Variants in NCALD observed in about 807,000 individuals in gnomAD.
NCALD encodes neurocalcin-delta.
In NCALD, 10 loss-of-function variants were observed where a neutral mutation model predicts 18.6. The observed-to-expected ratio is 0.54, with a 90% CI of 0.33 to 0.91. The LOEUF is 0.91. NCALD is among the 40% of genes least tolerant of loss of function. The pLI, the probability that NCALD is intolerant of heterozygous loss-of-function variation, is 0.03. For synonymous variants in NCALD, 88 were observed against 87.4 expected, an observed-to-expected ratio of 1.01 and a Z score of -0.04; for missense variants, 184 against 247.6, an observed-to-expected ratio of 0.74 and a Z score of 1.72.
intron 2 of NCALD, among the ~76,000 whole-genome samples, chr8:101,933,231 G>A (rs1235960960): frequency 2.0e-5 from 3 of 152,214 alleles, no homozygotes; most frequent in African/African-American, 7.2e-5. Flanking sequence ...CATTGCAGAT[G>A]TGATTAAGTT....
intron 2 of NCALD, among the ~76,000 whole-genome samples, chr8:102,005,474 C>A (rs1586910769): frequency 6.6e-6 from 1 of 152,242 alleles, no homozygotes; most frequent in African/African-American, 2.4e-5. Context: ...TGTGGTGATT[C>A]CTCAGGGATC....
intron 1 of NCALD, among the ~76,000 whole-genome samples, chr8:101,754,012 C>A (rs1376785561): frequency 6.6e-6 from 1 of 152,154 alleles, no homozygotes; most frequent in Non-Finnish European, 1.5e-5. Context: ...CTGGTAAGAA[C>A]CGTGAGGTCT....
chr8:101,919,302 G>A (rs1046138066), intron 2 of NCALD, among the ~76,000 whole-genome samples: 1 of 152,138 alleles, frequency 6.6e-6, no homozygotes, highest in African/African-American at 2.4e-5. Flanking sequence ...TTCAAAAAAT[G>A]GTGCTCAGAT....
At chr8:101,996,951 G>C (rs746309416) in intron 2 of NCALD, among the ~76,000 whole-genome samples, 2 of 152,202 alleles carry the variant, frequency 1.3e-5, no homozygotes, top group Non-Finnish European at 2.9e-5. Flanking sequence ...ACTACTACCT[G>C]CCTGCTCGAA....
In NCALD at chr8:101,939,315, T is replaced by C. The variant is rs183161141; in HGVS notation, c.-156-23457A>G. On this transcript the variant is annotated intron_variant, in intron 2 of 6. Transcript: ENST00000311028. Reference sequence around the variant, plus strand: ...AGAGAAATTCACAGATTCAGATTCATTGAATGAAAAGCATATCTTAATTGA... The same window carrying C: ...AGAGAAATTCACAGATTCAGATTCACTGAATGAAAAGCATATCTTAATTGA... Among the ~76,000 whole-genome samples, 16 of 152,336 alleles carry C rather than the reference T, an allele frequency of 1.1e-4. No individual in the cohort carries two copies. The East Asian group carries it at 2.5e-3, about 24-fold the overall frequency.
chr8:102,035,548 C>A (rs1389533742), intron 1 of NCALD, among the ~76,000 whole-genome samples: 1 of 152,060 alleles, frequency 6.6e-6, no homozygotes. Context: ...CAGAGAAAGG[C>A]AGTAGAATCC....
intron 3 of NCALD, among the ~76,000 whole-genome samples, chr8:101,892,017 C>A (rs530957445): frequency 6.6e-6 from 1 of 152,262 alleles, no homozygotes; most frequent in East Asian, 1.9e-4. Context: ...CACCACAGCT[C>A]AAGGAGGCCT....
At chr8:101,880,017 G>A (rs903297865) in intron 4 of NCALD, among the ~76,000 whole-genome samples, 15 of 151,302 alleles carry the variant, frequency 9.9e-5, no homozygotes, top group African/African-American at 3.2e-4. Context: ...GGGACTGGGC[G>A]CCGTGGAGCA....
At chr8:101,748,098 C>T (rs1247073227) in intron 1 of NCALD, among the ~76,000 whole-genome samples, 1 of 152,162 alleles carries the variant, frequency 6.6e-6, no homozygotes, top group Non-Finnish European at 1.5e-5. Context: ...CTCAGACCTT[C>T]CTCCTCTAAT....
At chr8:102,102,463 A>G (rs1825315440) in intron 1 of NCALD, among the ~76,000 whole-genome samples, 1 of 152,222 alleles carries the variant, frequency 6.6e-6, no homozygotes, top group South Asian at 2.1e-4. Flanking sequence ...CAGAGCTGGC[A>G]GGGACACCAG....
chr8:102,040,828 T>C (rs900089249), intron 1 of NCALD, among the ~76,000 whole-genome samples: 2 of 152,182 alleles, frequency 1.3e-5, no homozygotes, highest in African/African-American at 4.8e-5. Context: ...GCCAGACTCA[T>C]AAAATGACAC....
At chr8:101,855,747 C>T (rs1815291965) in intron 4 of NCALD, among the ~76,000 whole-genome samples, 1 of 152,040 alleles carries the variant, frequency 6.6e-6, no homozygotes, top group Non-Finnish European at 1.5e-5. Context: ...AAACATAAGA[C>T]ATAAATCAGA....
intron 2 of NCALD, among the ~76,000 whole-genome samples, chr8:102,017,353 T>TAA (rs546400258): frequency 0.019 from 2,834 of 147,496 alleles, 38 homozygotes; most frequent in South Asian, 0.043. Flanking sequence ...TTAAAATTTC[T>TAA]AAAAAAAAAA....
intron 1 of NCALD, among the ~76,000 whole-genome samples, chr8:102,098,001 C>T (rs777543523): frequency 6.6e-6 from 1 of 152,240 alleles, no homozygotes; most frequent in Non-Finnish European, 1.5e-5. Flanking sequence ...ACTTCCTGCA[C>T]AGCCATCTCT....
intron 1 of NCALD, among the ~76,000 whole-genome samples, chr8:102,079,855 A>G (rs1563599199): frequency 6.6e-6 from 1 of 152,238 alleles, no homozygotes; most frequent in Non-Finnish European, 1.5e-5. Flanking sequence ...ATCATGCTAC[A>G]AAGCGTAAAG....
At chr8:101,804,048 G>A (rs1024322389) in intron 4 of NCALD, among the ~76,000 whole-genome samples, 5 of 151,970 alleles carry the variant, frequency 3.3e-5, no homozygotes, top group Non-Finnish European at 7.4e-5. Context: ...AGCCTGATCA[G>A]TCAGCAGCCA....
chr8:101,820,950 G>A (rs1358336635), intron 4 of NCALD, among the ~76,000 whole-genome samples: 1 of 152,140 alleles, frequency 6.6e-6, no homozygotes, highest in African/African-American at 2.4e-5. Context: ...TAATCATCAA[G>A]TATACAGAAA....
intron 1 of NCALD, among the ~76,000 whole-genome samples, chr8:101,746,465 T>C (rs1226432912): frequency 6.6e-6 from 1 of 152,158 alleles, no homozygotes; most frequent in African/African-American, 2.4e-5. Flanking sequence ...TATATATATA[T>C]GTTAGTGCCA....
intron 3 of NCALD, among the ~76,000 whole-genome samples, chr8:101,912,829 T>C (rs1381836165): frequency 6.6e-5 from 10 of 152,224 alleles, no homozygotes; most frequent in Admixed American, 1.3e-4. Flanking sequence ...GCAAAGCCAA[T>C]GCCTTCATTG....
Sources: gnomAD v4.1 joint callset for allele counts (sites outside exome capture counted in the v4.1 genomes callset) on GRCh38, gnomAD v4.1.1 for gene constraint, MANE v1.5 for transcripts, NCBI Gene and HGNC (gene_info 2026-07-23, HGNC 2026-07-21) for gene names.